CFAP43: variants seen among roughly 807,000 people sequenced by gnomAD.
The protein encoded by CFAP43 is cilia- and flagella-associated protein 43.
CFAP43 carries 155 observed loss-of-function variants against 218.9 expected under a neutral mutation model. The observed-to-expected ratio is 0.71, with a 90% CI of 0.62 to 0.81. CFAP43 has a LOEUF of 0.81. CFAP43 is among the 30% of genes least tolerant of loss of function. The probability of loss-of-function intolerance (pLI) is 0.00; values close to 1 mark genes in which losing one functional copy is unlikely to be tolerated. For synonymous variants in CFAP43, 645 were observed against 681.3 expected, an observed-to-expected ratio of 0.95 and a Z score of 0.83; for missense variants, 1,778 against 1,954.3, an observed-to-expected ratio of 0.91 and a Z score of 1.70.
chr10:104,189,271 G>A (rs933414626), intron 12 of CFAP43, among the ~76,000 whole-genome samples: 2 of 150,376 alleles, frequency 1.3e-5, no homozygotes, highest in African/African-American at 2.5e-5. Flanking sequence ...CAGCCCTCAT[G>A]ACTCCCCTGT....
chr10:104,196,666 C>T (rs1199629029), intron 10 of CFAP43, among the ~76,000 whole-genome samples, 187 bp downstream of exon 10: 1 of 152,176 alleles, frequency 6.6e-6, no homozygotes, highest in East Asian at 1.9e-4. Context: ...ATATTGTATG[C>T]TATGGTTCCA....
intron 37 of CFAP43, 123 bp from the exon 38 acceptor site, chr10:104,130,428 T>C (rs1322864690): frequency 1.5e-5 from 16 of 1,085,536 alleles, no homozygotes; most frequent in African/African-American, 3.2e-5. Flanking sequence ...ACTTGTATGT[T>C]TACAGCAGCA....
intron 3 of CFAP43, among the ~76,000 whole-genome samples, chr10:104,215,462 G>A (rs929821925): frequency 1.3e-5 from 2 of 152,072 alleles, no homozygotes; most frequent in Non-Finnish European, 2.9e-5. Flanking sequence ...TGGAATCTCT[G>A]GTTCCCTTGA....
chr10:104,150,943 G>A (rs2088222269), intron 28 of CFAP43, among the ~76,000 whole-genome samples: 1 of 151,930 alleles, frequency 6.6e-6, no homozygotes, highest in African/African-American at 2.4e-5. Flanking sequence ...CCCTCTATGT[G>A]CCCATGTGTT....
intron 2 of CFAP43, among the ~76,000 whole-genome samples, chr10:104,226,197 T>G (rs1023402858): frequency 2.0e-5 from 3 of 152,224 alleles, no homozygotes; most frequent in East Asian, 1.9e-4. Flanking sequence ...TCTGCTGTTC[T>G]TCAGTGGGGT....
At chr10:104,131,621 G>T in intron 36 of CFAP43, 137 bp from the exon 37 acceptor site, 1 of 942,362 alleles carries the variant, frequency 1.1e-6, no homozygotes, top group South Asian at 2.0e-5. Flanking sequence ...TGTAGTGCCT[G>T]GCATAGTAGG....
Position 104,166,535 on chromosome 10 carries a change from C to T in CFAP43, c.2992G>A (p.Glu998Lys). 6.2e-7 allele frequency: 1 copy of T among 1,613,948 alleles called. No individual in the cohort carries two copies. The highest frequency in any genetic ancestry group is 8.5e-7 in the Non-Finnish European group (1 of 1,179,968). ...ATTTTCTCTTCTCTGGAATGAAGCTCCAATTGGCTTGACAATAAAGAGGTA... is the reference window on the plus strand; with the variant it reads ...ATTTTCTCTTCTCTGGAATGAAGCTTCAATTGGCTTGACAATAAAGAGGTA... ...VDTSLLSSQLELHSREEKINQ... is the reference protein window; with the variant it reads ...VDTSLLSSQLKLHSREEKINQ... Residue 998 changes from glutamate (E) to lysine (K), a missense_variant, in exon 23 of 38, where the codon GAG becomes AAG. Physicochemically the swap from Glu to Lys is moderately conservative, Grantham distance 56. Around this residue, in one of 3 missense-constraint regions of CFAP43, gnomAD observed 1,553 missense variants for 1,685.2 expected, o/e 0.92. Coordinates refer to ENST00000357060, the MANE Select transcript of CFAP43 (RefSeq NM_025145.7).
At chr10:104,222,969 C>G (rs11191953) in intron 3 of CFAP43, among the ~76,000 whole-genome samples, 19,222 of 152,238 alleles carry the variant, frequency 0.13, 1,509 homozygotes, top group Non-Finnish European at 0.17. Flanking sequence ...GACAGTTAAT[C>G]TTTTTAGCTT....
intron 3 of CFAP43, among the ~76,000 whole-genome samples, chr10:104,224,278 C>T (rs1322845560): frequency 1.3e-5 from 2 of 151,846 alleles, no homozygotes; most frequent in East Asian, 2.0e-4. Context: ...CTCCTGACCT[C>T]GTGATTTGCC....
At chr10:104,159,807 A>C (rs1767537) in intron 27 of CFAP43, among the ~76,000 whole-genome samples, 42,545 of 152,006 alleles carry the variant, frequency 0.28, 8,574 homozygotes, top group African/African-American at 0.58. Flanking sequence ...GGTCCACTGG[A>C]CAGCAATAGC....
At chr10:104,225,709 A>C in intron 2 of CFAP43, 152 bp from the exon 3 acceptor site, 1 of 660,050 alleles carries the variant, frequency 1.5e-6, no homozygotes, top group Admixed American at 3.4e-5. Context: ...CTAATTTCTA[A>C]GACCATGAAC....
intron 3 of CFAP43, among the ~76,000 whole-genome samples, chr10:104,224,125 G>A (rs1161977055): frequency 6.6e-6 from 1 of 152,098 alleles, no homozygotes; most frequent in Admixed American, 6.5e-5. Context: ...CTCACTGCAA[G>A]CTCCGCCTCC....
At chr10:104,186,888 G>C in intron 14 of CFAP43, among the ~76,000 whole-genome samples, 1 of 152,180 alleles carries the variant, frequency 6.6e-6, no homozygotes, top group South Asian at 2.1e-4. Context: ...CACAATGCAT[G>C]AGAAGTCTGA....
At chr10:104,161,485 A>G (rs1466935421) in intron 26 of CFAP43, among the ~76,000 whole-genome samples, 1 of 152,188 alleles carries the variant, frequency 6.6e-6, no homozygotes, top group Non-Finnish European at 1.5e-5. Flanking sequence ...GTTTCCTGGT[A>G]TATCTGGATA....
Position 104,186,253 on chromosome 10 carries a change from G to A in CFAP43, c.1861-130C>T. 5 of 717,688 alleles carry A rather than the reference G, an allele frequency of 7.0e-6. No homozygotes were observed. In the South Asian group the frequency reaches 2.3e-4, roughly 33 times the overall value. 44.5% of individuals were successfully genotyped at this position (717,688 alleles called of 1,614,324 possible). On this transcript the variant is annotated intron_variant, in intron 14 of 37. Coordinates refer to ENST00000357060, the MANE Select transcript of CFAP43 (RefSeq NM_025145.7). The stretch of plus-strand genomic sequence containing the variant: ...TGATATGGCATAAAGTGCAAACATT[G>A]TCATTGTAAATAAATGGATATAGGA...
intron 27 of CFAP43, among the ~76,000 whole-genome samples, chr10:104,160,525 A>C (rs557429456): frequency 6.6e-6 from 1 of 152,378 alleles, no homozygotes; most frequent in African/African-American, 2.4e-5. Context: ...TTTTAATGTG[A>C]CAGTGTTTCC....
intron 29 of CFAP43, among the ~76,000 whole-genome samples, chr10:104,147,284 T>G (rs548135386): frequency 6.6e-6 from 1 of 151,718 alleles, no homozygotes; most frequent in South Asian, 2.1e-4. Context: ...AATAGGCTCT[T>G]AGAAAAAAGT....
chr10:104,179,817 C>A, intron 18 of CFAP43, 23 bp downstream of exon 18: 1 of 1,581,184 alleles, frequency 6.3e-7, no homozygotes, highest in Non-Finnish European at 8.7e-7. Context: ...CTATTTCAAA[C>A]CTACCCCATG....
In CFAP43 at chr10:104,146,259, T is replaced by G. The variant is rs1287336769; in HGVS notation, c.3855+4A>C. The G allele has an allele frequency of 6.2e-7, 1 of 1,612,278 alleles. No individual in the cohort carries two copies. The highest frequency in any genetic ancestry group is 2.2e-5 in the East Asian group (1 of 44,840). ...TGTTGAGTGGGTAAGACAACAACTC[T>G]CACTTTGTCTTCTGCCAGTAAGTTG... is the stretch of plus-strand genomic sequence containing the variant. On this transcript the variant is annotated splice_donor_region_variant and intron_variant, in intron 30 of 37. Coordinates refer to ENST00000357060, the MANE Select transcript of CFAP43 (RefSeq NM_025145.7).
Sources: allele counts gnomAD v4.1 joint callset (sites outside exome capture counted in the v4.1 genomes callset), GRCh38; gene constraint gnomAD v4.1.1; regional missense constraint gnomAD v4.1.1; transcripts MANE v1.5; gene names NCBI Gene and HGNC (gene_info 2026-07-23, HGNC 2026-07-21).